EDN3: variants seen among roughly 807,000 people sequenced by gnomAD.
EDN3 encodes endothelin-3.
Under a neutral mutation model 21.4 loss-of-function variants are expected in EDN3, and 9 were observed. The observed-to-expected ratio is 0.42, with a 90% confidence interval of 0.25 to 0.73. The LOEUF (loss-of-function observed/expected upper bound fraction) is 0.73. EDN3 is among the 30% of genes least tolerant of loss of function. The probability of loss-of-function intolerance (pLI) is 0.26; values close to 1 mark genes in which losing one functional copy is unlikely to be tolerated. For missense variants in EDN3, 327 were observed against 309.4 expected, an observed-to-expected ratio of 1.06 and a Z score of -0.43; for synonymous variants, 133 against 126.2, an observed-to-expected ratio of 1.05 and a Z score of -0.36.
intron 2 of EDN3, among the ~76,000 whole-genome samples, chr20:59,304,566 G>A (rs1039714975): frequency 1.3e-5 from 2 of 152,184 alleles, no homozygotes; most frequent in Non-Finnish European, 2.9e-5. Flanking sequence ...ATCCAGCTGC[G>A]TGAAGACAGA....
intron 2 of EDN3, among the ~76,000 whole-genome samples, chr20:59,317,354 G>A (rs928758448): frequency 1.3e-5 from 2 of 152,204 alleles, no homozygotes; most frequent in African/African-American, 4.8e-5. Flanking sequence ...AGCTTAGTAG[G>A]TGGGACTTTT....
Position 59,321,044 on chromosome 20 carries a change from C to G in EDN3, c.393C>G (p.Asn131Lys), listed in dbSNP as rs777336048. Residue 131 changes from asparagine (N) to lysine (K), a missense_variant, in exon 3 of 5, where the codon AAC becomes AAG. Transcript: ENST00000337938. Reference sequence around the variant, plus strand: ...AGACGGTGCCCTATGGACTGTCCAACTACAGAGGAAGCTTCCGGGGCAAGA... The same window carrying G: ...AGACGGTGCCCTATGGACTGTCCAAGTACAGAGGAAGCTTCCGGGGCAAGA... ...PEQTVPYGLS[N>K]YRGSFRGKRS... The G allele has an allele frequency of 3.7e-6, 6 of 1,614,102 alleles. No homozygotes were observed. In the African/African-American group the frequency reaches 8.0e-5, roughly 22 times the overall value.
chr20:59,310,904 A>G (rs1489257095), intron 2 of EDN3, among the ~76,000 whole-genome samples: 2 of 152,060 alleles, frequency 1.3e-5, no homozygotes, highest in African/African-American at 4.8e-5. Flanking sequence ...GATTTTTAGG[A>G]ATCTGATTTC....
chr20:59,318,429 G>A (rs566553024), intron 2 of EDN3, among the ~76,000 whole-genome samples: 1 of 152,320 alleles, frequency 6.6e-6, no homozygotes, highest in Admixed American at 6.5e-5. Context: ...TTCGTTTCAG[G>A]GCTTATCAGA....
chr20:59,301,380 C>T lies in EDN3; in HGVS notation c.53-30C>T, dbSNP rs753302535. ...GGTGTTGAGGGGTCTGCACACTCAG[C>T]TTAGGAGCCCCTCAATCTGCCTTCT... On this transcript the variant is annotated intron_variant, in intron 1 of 4. Coordinates refer to ENST00000337938, the MANE Select transcript of EDN3 (RefSeq NM_207034.3). The T allele has an allele frequency of 3.7e-6, 6 of 1,601,714 alleles. No homozygotes were observed. In the East Asian group the frequency reaches 1.3e-4, roughly 36 times the overall value.
In EDN3 at chr20:59,320,999, T is replaced by C. The variant is rs1187514242; in HGVS notation, c.366-18T>C. 3 of 1,614,112 alleles carry C rather than the reference T, an allele frequency of 1.9e-6. No individual in the cohort carries two copies. The highest frequency in any genetic ancestry group is 1.7e-6 in the Non-Finnish European group (2 of 1,180,012). Reference sequence around the variant, plus strand: ...GAGGCCTGGGTGTGCTCACCTAACATTACCCTGTGCTTTGCAGACAGACGG... The same window carrying C: ...GAGGCCTGGGTGTGCTCACCTAACACTACCCTGTGCTTTGCAGACAGACGG... On this transcript the variant is annotated intron_variant, in intron 2 of 4. Coordinates refer to ENST00000337938, the MANE Select transcript of EDN3 (RefSeq NM_207034.3).
In EDN3 at chr20:59,301,519, C is replaced by A. The variant is rs1989024948; in HGVS notation, c.162C>A (p.Gly54=). The A allele has an allele frequency of 3.7e-6, 6 of 1,612,744 alleles. No homozygotes were observed. The highest frequency in any genetic ancestry group is 5.1e-6 in the Non-Finnish European group (6 of 1,179,696). ...GDCEETVAGP[G]EETVAGPGEG... The stretch of plus-strand genomic sequence containing the variant: ...GTGAAGAGACTGTGGCTGGCCCTGG[C>A]GAGGAGACTGTGGCTGGCCCTGGCG... Residue 54 remains glycine (G), a synonymous_variant, in exon 2 of 5, where the codon GGC becomes GGA. Transcript: ENST00000337938.
At chr20:59,320,525 T>A (rs1990464098) in intron 2 of EDN3, among the ~76,000 whole-genome samples, 1 of 152,146 alleles carries the variant, frequency 6.6e-6, no homozygotes, top group Non-Finnish European at 1.5e-5. Flanking sequence ...CGGCTTTCCA[T>A]GGAATGAGGA....
At chr20:59,308,700 C>T (rs181752497) in intron 2 of EDN3, among the ~76,000 whole-genome samples, 8 of 152,314 alleles carry the variant, frequency 5.3e-5, no homozygotes, top group Admixed American at 3.3e-4. Flanking sequence ...AAACACTCAA[C>T]GTCTTGAAGA....
At chr20:59,313,788 G>T (rs1292425914) in intron 2 of EDN3, among the ~76,000 whole-genome samples, 1 of 152,196 alleles carries the variant, frequency 6.6e-6, no homozygotes, top group Non-Finnish European at 1.5e-5. Context: ...CATAAGCTTT[G>T]TATAATATTC....
In EDN3 at chr20:59,322,330, G is replaced by T; in HGVS notation, c.543-42G>T. On this transcript the variant is annotated intron_variant, in intron 3 of 4. Transcript: ENST00000337938. The surrounding 1 kb of genome is among the most constrained non-coding windows in gnomAD (Gnocchi z 4.1). ...TTGACACCGAAAAACCAGCCACAGG[G>T]AAAGGCAGGTTGATTGATTAAAACC... The T allele has an allele frequency of 6.2e-7, 1 of 1,611,720 alleles. No individual in the cohort carries two copies. Among genetic ancestry groups the T allele is most frequent in the South Asian group, 1.1e-5 (1 of 91,024 alleles).
rs1990506288 is a variant in EDN3, at chr20:59,321,086, T to A, written c.435T>A (p.Leu145=). The A allele has an allele frequency of 6.2e-7, 1 of 1,614,106 alleles. No homozygotes were observed. The highest frequency in any genetic ancestry group is 1.3e-5 in the African/African-American group (1 of 74,924). ...SFRGKRSAGP[L]PGNLQLSHRP... The stretch of plus-strand genomic sequence containing the variant: ...GGGGCAAGAGGTCTGCGGGGCCACT[T>A]CCAGGGAATCTGCAGCTCTCACATC... The change falls in exon 3 of 5, where the codon CTT becomes CTA. Residue 145 remains leucine, a synonymous_variant. Coordinates refer to ENST00000337938, the MANE Select transcript of EDN3 (RefSeq NM_207034.3).
chr20:59,308,729 C>T (rs1015330476), intron 2 of EDN3, among the ~76,000 whole-genome samples: 2 of 152,208 alleles, frequency 1.3e-5, no homozygotes, highest in African/African-American at 4.8e-5. Context: ...ACAATGATAA[C>T]AACACAACCT....
intron 4 of EDN3, 25 bp from the exon 5 acceptor site, chr20:59,324,306 C>A: frequency 6.2e-7 from 1 of 1,607,686 alleles, no homozygotes; most frequent in Non-Finnish European, 8.5e-7. Context: ...CTTTTTTTTT[C>A]TTTTGCCCCC....
chr20:59,311,901 G>A (rs1989844371), intron 2 of EDN3, among the ~76,000 whole-genome samples: 1 of 152,116 alleles, frequency 6.6e-6, no homozygotes, highest in Non-Finnish European at 1.5e-5. Context: ...TATCTTTACG[G>A]TCATTGTGAT....
chr20:59,312,185 A>G (rs1373672852), intron 2 of EDN3, among the ~76,000 whole-genome samples: 3 of 152,254 alleles, frequency 2.0e-5, no homozygotes, highest in African/African-American at 7.2e-5. Flanking sequence ...CCAGGCAGCC[A>G]TGGATTTCTC....
intron 2 of EDN3, among the ~76,000 whole-genome samples, chr20:59,308,769 A>C (rs960317030): frequency 5.3e-5 from 8 of 152,288 alleles, no homozygotes; most frequent in Middle Eastern, 3.4e-3. Context: ...TCCTGGGCCA[A>C]AACCAGTCCT....
Position 59,300,744 on chromosome 20 carries a change from C to G in EDN3, c.-69C>G, listed in dbSNP as rs1345100793. 3.9e-6 allele frequency: 6 copies of G among 1,538,534 alleles called. No individual in the cohort carries two copies. The African/African-American group carries it at 5.5e-5, about 14-fold the overall frequency. On this transcript the variant is annotated 5_prime_UTR_variant, in exon 1 of 5. Transcript: ENST00000337938. The stretch of plus-strand genomic sequence containing the variant: ...GAGGGCGAGGCCAGCTGTACCCGGC[C>G]CCAGTGCCCTTTCGCGGCCACAAGC...
At chr20:59,301,860 G>A in intron 2 of EDN3, 138 bp downstream of exon 2, 1 of 1,019,386 alleles carries the variant, frequency 9.8e-7, no homozygotes, top group Middle Eastern at 2.0e-4. Flanking sequence ...AGCTCTTGCT[G>A]GGGCCTCTTG....
Sources: gnomAD v4.1 joint callset for allele counts (sites outside exome capture counted in the v4.1 genomes callset) on GRCh38, gnomAD v4.1.1 for gene constraint, Gnocchi (gnomAD v3.1) non-coding constraint, MANE v1.5 for transcripts, NCBI Gene and HGNC (gene_info 2026-07-23, HGNC 2026-07-21) for gene names.